ZFHX3: variants seen among roughly 807,000 people sequenced by gnomAD.
ZFHX3 encodes the protein zinc finger homeobox 3.
In ZFHX3, 42 loss-of-function variants were observed where a neutral mutation model predicts 279.1. The observed-to-expected ratio is 0.15, with a 90% confidence interval of 0.12 to 0.19. The LOEUF is 0.19. Among genes scored for constraint, ZFHX3 ranks in the 10% least tolerant of loss-of-function variants. ZFHX3 has a pLI of 1.00. For missense variants in ZFHX3, 4,981 were observed against 4,754.0 expected (o/e 1.05, Z -1.40); for synonymous variants, 2,293 against 1,957.8 (o/e 1.17, Z -4.52).
chr16:73,603,080 T>C (rs1013586876), intron 2 of ZFHX3, among the ~76,000 whole-genome samples: 4 of 151,860 alleles, frequency 2.6e-5, no homozygotes, highest in African/African-American at 9.7e-5. Context: ...GGTCAGGAGA[T>C]AGAGACCATC....
chr16:73,237,795 C>T (rs1026015441), intron 5 of ZFHX3, among the ~76,000 whole-genome samples: 7 of 152,042 alleles, frequency 4.6e-5, no homozygotes, highest in Non-Finnish European at 8.8e-5. Context: ...ATCCTGCCAG[C>T]GAGGAAGAAC....
At chr16:73,479,925 A>G (rs2018834721) in intron 2 of ZFHX3, among the ~76,000 whole-genome samples, 1 of 152,130 alleles carries the variant, frequency 6.6e-6, no homozygotes, top group Non-Finnish European at 1.5e-5. Flanking sequence ...TGGCTGGGCA[A>G]ATGGAGGCAT....
chr16:73,204,362 G>A (rs1368581255), intron 5 of ZFHX3, among the ~76,000 whole-genome samples: 2 of 152,076 alleles, frequency 1.3e-5, no homozygotes, highest in East Asian at 3.9e-4. Flanking sequence ...GGAGCTCTGA[G>A]CTTGTTTTCC....
At chr16:73,532,655 C>T (rs1015590804) in intron 2 of ZFHX3, among the ~76,000 whole-genome samples, 1 of 152,176 alleles carries the variant, frequency 6.6e-6, no homozygotes, top group African/African-American at 2.4e-5. Context: ...AACCTAATCT[C>T]TTTGTGCCTA....
At chr16:73,651,572 T>A (rs1415353303) in intron 2 of ZFHX3, among the ~76,000 whole-genome samples, 1 of 149,520 alleles carries the variant, frequency 6.7e-6, no homozygotes, top group East Asian at 2.0e-4. Flanking sequence ...GCACGGTGGC[T>A]CACGCCTGTA....
At chr16:73,339,015 C>A (rs80239260) in intron 3 of ZFHX3, among the ~76,000 whole-genome samples, 8,674 of 152,276 alleles carry the variant, frequency 0.057, 323 homozygotes, top group East Asian at 0.11. Context: ...CAGAAGCCTC[C>A]TCAGAAGCAG....
At chr16:72,844,180 C>T (rs2037419919) in intron 4 of ZFHX3, among the ~76,000 whole-genome samples, 1 of 152,200 alleles carries the variant, frequency 6.6e-6, no homozygotes, top group Non-Finnish European at 1.5e-5. Flanking sequence ...GCTGTCACAG[C>T]CCCGAATCCC....
At chr16:73,325,503 G>T (rs1291589742) in intron 3 of ZFHX3, among the ~76,000 whole-genome samples, 1 of 152,118 alleles carries the variant, frequency 6.6e-6, no homozygotes, top group African/African-American at 2.4e-5. Context: ...CCAGTCCAAT[G>T]ACATGGATCA....
chr16:73,094,063 C>A (rs1176534067), intron 7 of ZFHX3, among the ~76,000 whole-genome samples: 1 of 151,968 alleles, frequency 6.6e-6, no homozygotes, highest in African/African-American at 2.4e-5. Context: ...GAGTGTGGAC[C>A]CCCCCAACCC....
chr16:73,079,063 T>C (rs1452598927), intron 8 of ZFHX3, among the ~76,000 whole-genome samples: 1 of 152,116 alleles, frequency 6.6e-6, no homozygotes, highest in African/African-American at 2.4e-5. Context: ...TTAACTATTA[T>C]TTCCTTCCTT....
chr16:73,755,733 C>T (rs1014548590), intron 1 of ZFHX3, among the ~76,000 whole-genome samples: 2 of 152,174 alleles, frequency 1.3e-5, no homozygotes, highest in Non-Finnish European at 2.9e-5. Flanking sequence ...GCTTGGGGCT[C>T]AGCTGCTTAT....
chr16:73,165,745 G>C (rs1280540537), intron 5 of ZFHX3, among the ~76,000 whole-genome samples: 2 of 152,244 alleles, frequency 1.3e-5, no homozygotes, highest in East Asian at 1.9e-4. Context: ...ACTCTTACGA[G>C]CTGGCCCCTC....
intron 1 of ZFHX3, among the ~76,000 whole-genome samples, chr16:73,707,634 A>C (rs994079170): frequency 2.6e-5 from 4 of 151,466 alleles, no homozygotes; most frequent in Non-Finnish European, 5.9e-5. Flanking sequence ...AGATATACCT[A>C]ATGCTAAATG....
intron 1 of ZFHX3, among the ~76,000 whole-genome samples, chr16:73,001,912 A>G (rs957751215): frequency 3.0e-4 from 46 of 152,122 alleles, no homozygotes; most frequent in African/African-American, 1.0e-3. Context: ...CTCTCTAGCC[A>G]CCTTCCTCTC....
At chr16:73,850,846 A>G (rs1433704952) in intron 1 of ZFHX3, among the ~76,000 whole-genome samples, 1 of 152,184 alleles carries the variant, frequency 6.6e-6, no homozygotes, top group Admixed American at 6.5e-5. Context: ...GTACCTAACC[A>G]GTAAAAGAGA....
chr16:73,667,878 C>A (rs1408550091), intron 2 of ZFHX3, among the ~76,000 whole-genome samples: 2 of 152,176 alleles, frequency 1.3e-5, no homozygotes, highest in African/African-American at 4.8e-5. Context: ...TTCCCTTGTC[C>A]AAATCGCAGG....
chr16:73,576,638 C>A (rs1471200791), intron 2 of ZFHX3, among the ~76,000 whole-genome samples: 1 of 151,900 alleles, frequency 6.6e-6, no homozygotes, highest in Non-Finnish European at 1.5e-5. Flanking sequence ...CATGTATGTC[C>A]CAAAGCAGAG....
At chr16:73,295,340 G>A (rs150261581) in intron 4 of ZFHX3, among the ~76,000 whole-genome samples, 33 of 152,356 alleles carry the variant, frequency 2.2e-4, no homozygotes, top group African/African-American at 7.7e-4. Context: ...CCAATGTCCT[G>A]TTTCCTCACT....
At chr16:73,319,691 T>C (rs1243940710) in intron 3 of ZFHX3, among the ~76,000 whole-genome samples, 1 of 152,146 alleles carries the variant, frequency 6.6e-6, no homozygotes, top group Non-Finnish European at 1.5e-5. Flanking sequence ...TGAAAGTAAG[T>C]CTAGTGCCAC....
Sources: allele counts gnomAD v4.1 joint callset (sites outside exome capture counted in the v4.1 genomes callset), GRCh38; gene constraint gnomAD v4.1.1; transcripts MANE v1.5; gene names NCBI Gene and HGNC (gene_info 2026-07-23, HGNC 2026-07-21).